ARID2: variants seen among roughly 807,000 people sequenced by gnomAD.
ARID2 encodes AT-rich interactive domain-containing protein 2.
Under a neutral mutation model 184.6 loss-of-function variants are expected in ARID2, and 32 were observed. The observed-to-expected ratio is 0.17, with a 90% CI of 0.13 to 0.23. The LOEUF (loss-of-function observed/expected upper bound fraction) is 0.23, where lower values mean the gene tolerates loss of function less well. Ranked by LOEUF, ARID2 falls within the 10% of genes least tolerant of loss-of-function variation. The pLI is 1.00. For missense variants in ARID2, 1,696 were observed against 2,197.6 expected (o/e 0.77, Z 4.56); for synonymous variants, 836 against 772.6 (o/e 1.08, Z -1.36).
At chr12:45,892,139 A>C in intron 18 of ARID2, 43 bp downstream of exon 18, 1 of 1,563,598 alleles carries the variant, frequency 6.4e-7, no homozygotes, top group Non-Finnish European at 8.7e-7. Flanking sequence ...TACAAAAAGA[A>C]ACTAGGCAAA....
intron 5 of ARID2, among the ~76,000 whole-genome samples, chr12:45,818,456 A>C (rs1353641770): frequency 6.6e-6 from 1 of 152,178 alleles, no homozygotes; most frequent in Non-Finnish European, 1.5e-5. Context: ...ATAAAGATTT[A>C]GAAATAATAT....
At position 45,847,155 on chromosome 12, in the gene ARID2, G is replaced by A. The variant is rs116992394; in HGVS notation, c.1580+218G>A. 5.3e-5 allele frequency among the ~76,000 whole-genome samples: 8 copies of A among 152,198 alleles called. No homozygotes were observed. The East Asian group carries it at 1.5e-3, about 29-fold the overall frequency. The stretch of plus-strand genomic sequence containing the variant: ...CATCAGAATTTTCAGAATTAAAATA[G>A]TATGACTAGAATGTCATTAAATTAC... On this transcript the variant is annotated intron_variant, in intron 12 of 20. Transcript: ENST00000334344.
intron 3 of ARID2, among the ~76,000 whole-genome samples, chr12:45,797,023 T>C (rs1276290851): frequency 3.9e-5 from 6 of 152,218 alleles, no homozygotes; most frequent in African/African-American, 1.4e-4. Flanking sequence ...ACATTTTACA[T>C]CTGTGTTTCT....
intron 3 of ARID2, among the ~76,000 whole-genome samples, chr12:45,767,174 C>T (rs1941787536): frequency 6.6e-6 from 1 of 152,074 alleles, no homozygotes; most frequent in Non-Finnish European, 1.5e-5. Context: ...TTCTTATTTG[C>T]ATTTTTTATA....
intron 16 of ARID2, among the ~76,000 whole-genome samples, chr12:45,889,658 A>G (rs1944260367): frequency 6.6e-6 from 1 of 152,218 alleles, no homozygotes; most frequent in South Asian, 2.1e-4. Context: ...GGTATCGGCC[A>G]GGCACGGTGG....
intron 15 of ARID2, 42 bp downstream of exon 15, chr12:45,852,938 A>G: frequency 6.7e-7 from 1 of 1,492,170 alleles, no homozygotes; most frequent in Non-Finnish European, 8.9e-7. Flanking sequence ...GAAATTTCTG[A>G]TCTGTAAATA....
chr12:45,886,622 A>G (rs1417439599), intron 16 of ARID2, among the ~76,000 whole-genome samples: 1 of 152,130 alleles, frequency 6.6e-6, no homozygotes, highest in African/African-American at 2.4e-5. Flanking sequence ...AGATGTTTCC[A>G]TACATCCTCT....
At chr12:45,845,054 C>G (rs1943417216) in intron 11 of ARID2, among the ~76,000 whole-genome samples, 1 of 152,156 alleles carries the variant, frequency 6.6e-6, no homozygotes, top group African/African-American at 2.4e-5. Context: ...GGCAGTGCTC[C>G]TCAGTTTGTG....
chr12:45,746,334 C>T (rs1941354679), intron 3 of ARID2, among the ~76,000 whole-genome samples: 1 of 152,076 alleles, frequency 6.6e-6, no homozygotes, highest in Non-Finnish European at 1.5e-5. Context: ...TGGTTTCCAA[C>T]TCCTGGCCTC....
At chr12:45,750,764 G>A (rs1006192004) in intron 3 of ARID2, among the ~76,000 whole-genome samples, 11 of 152,074 alleles carry the variant, frequency 7.2e-5, no homozygotes, top group Admixed American at 3.9e-4. Flanking sequence ...TATTTGCCAG[G>A]TACTATGCTC....
intron 6 of ARID2, among the ~76,000 whole-genome samples, chr12:45,834,202 C>T (rs895139586): frequency 1.3e-5 from 2 of 151,996 alleles, no homozygotes; most frequent in African/African-American, 2.4e-5. Context: ...CAGTACCATA[C>T]TCCATATGGC....
At chr12:45,729,989 C>T (rs1940945578) in intron 1 of ARID2, 55 bp from the exon 2 acceptor site, 3 of 1,606,892 alleles carry the variant, frequency 1.9e-6, no homozygotes, top group Admixed American at 3.4e-5. Flanking sequence ...GCTCTCCCGC[C>T]CGGGCCGGGC....
chr12:45,905,150 C>G lies in ARID2; in HGVS notation c.*72C>G, dbSNP rs1944508105. The G allele has an allele frequency of 1.2e-5, 18 of 1,489,720 alleles. No individual in the cohort carries two copies. The highest frequency in any genetic ancestry group is 1.6e-5 in the Non-Finnish European group (18 of 1,100,272). The allele number at this position is 1,489,720 out of a possible 1,614,324, so 92.3% of individuals were successfully genotyped here. On this transcript the variant is annotated 3_prime_UTR_variant, in exon 21 of 21. Transcript: ENST00000334344. ...TCACATACTGTTACTGAAGAAAGCA[C>G]CAAGTCTTAATGGAACAAAGACCAT... is the stretch of plus-strand genomic sequence containing the variant.
At position 45,860,859 on chromosome 12, in the gene ARID2, A is replaced by G; in HGVS notation, c.4832A>G (p.Gln1611Arg). The G allele has an allele frequency of 2.5e-6, 4 of 1,609,082 alleles. No individual in the cohort carries two copies. The highest frequency in any genetic ancestry group is 3.4e-6 in the Non-Finnish European group (4 of 1,177,594). The change falls in exon 16 of 21, where the codon CAG (glutamine) becomes CGG (arginine). Residue 1611 changes from glutamine to arginine, a missense_variant. Coordinates refer to ENST00000334344, the MANE Select transcript of ARID2 (RefSeq NM_152641.4). ...VQVQGQPNSS[Q>R]PSPFSGSSQP... The stretch of plus-strand genomic sequence containing the variant: ...GTGCAGGGCCAGCCTAACAGTTCTC[A>G]GCCTTCTCCATTCAGTGGATCCAGT...
At chr12:45,792,552 T>C (rs775931702) in intron 3 of ARID2, among the ~76,000 whole-genome samples, 5 of 152,214 alleles carry the variant, frequency 3.3e-5, no homozygotes, top group African/African-American at 4.8e-5. Flanking sequence ...TTGTTAATAA[T>C]ACAGATAAAG....
At chr12:45,797,609 C>T (rs904927638) in intron 3 of ARID2, among the ~76,000 whole-genome samples, 10 of 152,040 alleles carry the variant, frequency 6.6e-5, no homozygotes, top group African/African-American at 2.4e-4. Context: ...AAGAGCCTTC[C>T]TTGCTCTTTA....
At chr12:45,817,574 A>C in intron 4 of ARID2, 96 bp from the exon 5 acceptor site, 14 of 263,718 alleles carry the variant, frequency 5.3e-5, no homozygotes, top group Non-Finnish European at 8.2e-5. Flanking sequence ...TATATATTAT[A>C]TATATATATT....
intron 3 of ARID2, among the ~76,000 whole-genome samples, chr12:45,773,223 A>G (rs1173345220): frequency 6.6e-6 from 1 of 152,206 alleles, no homozygotes; most frequent in East Asian, 1.9e-4. Context: ...AAGAAATAAT[A>G]TACTAAACTT....
At chr12:45,758,555 C>G (rs754251084) in intron 3 of ARID2, among the ~76,000 whole-genome samples, 17 of 152,068 alleles carry the variant, frequency 1.1e-4, no homozygotes, top group Non-Finnish European at 1.9e-4. Context: ...TTATAGCTGC[C>G]CCAAAAATTA....
Sources: gnomAD v4.1 joint callset for allele counts (sites outside exome capture counted in the v4.1 genomes callset) on GRCh38, gnomAD v4.1.1 for gene constraint, MANE v1.5 for transcripts, NCBI Gene and HGNC (gene_info 2026-07-23, HGNC 2026-07-21) for gene names.